The following SLC35F3 variants were observed in gnomAD, a reference collection of about 807,000 sequenced individuals.
SLC35F3 encodes the protein solute carrier family 35 member F3.
A neutral mutation model predicts 49.9 loss-of-function variants in SLC35F3; 25 were observed. That is an observed-to-expected ratio of 0.50 (90% CI 0.37 to 0.70). SLC35F3 has a LOEUF of 0.70. Among genes scored for constraint, SLC35F3 ranks in the 30% least tolerant of loss-of-function variants. The pLI is 0.00. For synonymous variants in SLC35F3, 275 were observed against 265.4 expected (o/e 1.04, Z -0.35); for missense variants, 525 against 639.8 (o/e 0.82, Z 1.94).
rs1181642726 is a variant in SLC35F3 at position 234,231,348 on chromosome 1, G to A, written c.284-69G>A. The A allele has an allele frequency of 1.8e-5, 23 of 1,313,930 alleles. No homozygotes were observed. The highest frequency in any genetic ancestry group is 2.3e-5 in the Non-Finnish European group (23 of 984,930). 81.4% of individuals were successfully genotyped at this position (1,313,930 alleles called of 1,614,324 possible). On this transcript the variant is annotated intron_variant, in intron 2 of 7. Transcript: ENST00000366618. This position sits in a 1 kb window ranked among gnomAD's most constrained non-coding sequence, Gnocchi z 5.4. ...TAGCTGGTGGTGACAATGGCTGCAG[G>A]GCAGCGCCCTGCGAAGTGCAGGGGT...
intron 3 of SLC35F3, among the ~76,000 whole-genome samples, chr1:234,301,516 G>A (rs1466878700): frequency 6.6e-6 from 1 of 152,286 alleles, no homozygotes; most frequent in East Asian, 1.9e-4. Context: ...AGTCAGAATG[G>A]CAATTATTAA....
chr1:233,923,486 C>T (rs1420488840), intron 2 of SLC35F3, among the ~76,000 whole-genome samples: 7 of 152,114 alleles, frequency 4.6e-5, no homozygotes, highest in African/African-American at 1.7e-4. Context: ...GTGATTTTTG[C>T]ACATTGATTT....
At chr1:234,041,874 C>G (rs1664226920) in intron 2 of SLC35F3, among the ~76,000 whole-genome samples, 1 of 152,118 alleles carries the variant, frequency 6.6e-6, no homozygotes, top group Non-Finnish European at 1.5e-5. Context: ...GTGGGCAGTT[C>G]AAATCAGAAA....
intron 2 of SLC35F3, among the ~76,000 whole-genome samples, chr1:233,954,124 G>C (rs6586406): frequency 6.6e-6 from 1 of 152,062 alleles, no homozygotes; most frequent in Non-Finnish European, 1.5e-5. Context: ...CTCCTGCCTC[G>C]GCCTCCCGAG....
chr1:233,976,798 A>G (rs11810452), intron 2 of SLC35F3, among the ~76,000 whole-genome samples: 52,051 of 152,022 alleles, frequency 0.34, 11,009 homozygotes, highest in Non-Finnish European at 0.48. Context: ...TTTAGTAGAG[A>G]CATGGTTTCA....
intron 2 of SLC35F3, among the ~76,000 whole-genome samples, chr1:234,124,987 A>G (rs1665626305): frequency 6.6e-6 from 1 of 152,214 alleles, no homozygotes; most frequent in Non-Finnish European, 1.5e-5. Flanking sequence ...GTAAGTGATC[A>G]TCTGGTGATC....
At chr1:234,264,189 G>A (rs1393050273) in intron 3 of SLC35F3, among the ~76,000 whole-genome samples, 1 of 152,152 alleles carries the variant, frequency 6.6e-6, no homozygotes, top group Non-Finnish European at 1.5e-5. Context: ...TAACTGAAAA[G>A]GATTAATATC....
Position 234,214,565 on chromosome 1 carries a change from A to G in SLC35F3, c.284-16852A>G. 1 of 1,551,912 alleles carries G rather than the reference A, an allele frequency of 6.4e-7. No homozygotes were observed. Among genetic ancestry groups the G allele is most frequent in the Non-Finnish European group, 8.7e-7 (1 of 1,151,446 alleles). ...CAACAGTCCGGTCCTGACCCTTACC[A>G]AAGTGGAAGGTAATGCGCGGCCGCC... On this transcript the variant is annotated intron_variant, in intron 2 of 7. Coordinates refer to ENST00000366618, the MANE Select transcript of SLC35F3 (RefSeq NM_173508.4). This position sits in a 1 kb window ranked among gnomAD's most constrained non-coding sequence, Gnocchi z 8.0.
chr1:233,930,088 A>G (rs2102792858), intron 2 of SLC35F3, among the ~76,000 whole-genome samples: 1 of 152,048 alleles, frequency 6.6e-6, no homozygotes, highest in South Asian at 2.1e-4. Flanking sequence ...GTTTGAAGCC[A>G]TGATGAGCTA....
chr1:234,282,819 G>C (rs1205514052), intron 3 of SLC35F3, among the ~76,000 whole-genome samples: 1 of 152,200 alleles, frequency 6.6e-6, no homozygotes, highest in Non-Finnish European at 1.5e-5. Context: ...GTTGCAGTGT[G>C]CCAGGCCACC....
intron 3 of SLC35F3, among the ~76,000 whole-genome samples, chr1:234,248,591 G>A (rs1667684812): frequency 6.6e-6 from 1 of 152,092 alleles, no homozygotes; most frequent in Non-Finnish European, 1.5e-5. Context: ...ATTTAGCAGA[G>A]GAACACTTCC....
At chr1:234,137,307 A>G (rs1184125527) in intron 2 of SLC35F3, among the ~76,000 whole-genome samples, 1 of 152,224 alleles carries the variant, frequency 6.6e-6, no homozygotes, top group Non-Finnish European at 1.5e-5. Flanking sequence ...AGGTGGCAGG[A>G]GGGCAATTCA....
intron 2 of SLC35F3, among the ~76,000 whole-genome samples, chr1:234,131,208 G>A (rs937485316): frequency 6.6e-6 from 1 of 152,090 alleles, no homozygotes; most frequent in African/African-American, 2.4e-5. Flanking sequence ...CTTAAAATTT[G>A]TCGTTTTCCT....
At chr1:234,318,559 C>T (rs1312949906) in intron 5 of SLC35F3, among the ~76,000 whole-genome samples, 192 bp from the exon 6 acceptor site, 1 of 152,206 alleles carries the variant, frequency 6.6e-6, no homozygotes, top group Admixed American at 6.5e-5. Context: ...AAGAGCAACC[C>T]TCCACTGCCA....
At chr1:234,126,419 C>A (rs1286157415) in intron 2 of SLC35F3, among the ~76,000 whole-genome samples, 1 of 151,450 alleles carries the variant, frequency 6.6e-6, no homozygotes, top group Non-Finnish European at 1.5e-5. Context: ...AACTGTAGTA[C>A]CATGTGACAA....
At chr1:234,311,552 A>C (rs1463736245) in intron 4 of SLC35F3, among the ~76,000 whole-genome samples, 2 of 152,236 alleles carry the variant, frequency 1.3e-5, no homozygotes, top group African/African-American at 4.8e-5. Context: ...TATTAAGGCA[A>C]TTATTCAAAC....
chr1:233,930,211 C>T (rs916677548), intron 2 of SLC35F3, among the ~76,000 whole-genome samples: 1 of 151,600 alleles, frequency 6.6e-6, no homozygotes, highest in Non-Finnish European at 1.5e-5. Context: ...TTGAGAGGTA[C>T]AGCTCCTGAG....
At chr1:233,999,295 C>T (rs148353809) in intron 2 of SLC35F3, among the ~76,000 whole-genome samples, 1 of 152,272 alleles carries the variant, frequency 6.6e-6, no homozygotes, top group African/African-American at 2.4e-5. Context: ...CACGGCAGAG[C>T]TTCTGAGCTC....
chr1:234,031,552 G>A (rs10910329), intron 2 of SLC35F3, among the ~76,000 whole-genome samples: 1 of 151,988 alleles, frequency 6.6e-6, no homozygotes, highest in South Asian at 2.1e-4. Flanking sequence ...CTCCTTTTTG[G>A]GGGGGCATGG....
Sources: allele counts gnomAD v4.1 joint callset (sites outside exome capture counted in the v4.1 genomes callset), GRCh38; gene constraint gnomAD v4.1.1; non-coding constraint Gnocchi (gnomAD v3.1); transcripts MANE v1.5; gene names NCBI Gene and HGNC (gene_info 2026-07-23, HGNC 2026-07-21).